Variants in ZNF33B observed in about 807,000 individuals in gnomAD.
The protein encoded by ZNF33B is zinc finger protein 11b (KOX 2).
In ZNF33B, 29 loss-of-function variants were observed where a neutral mutation model predicts 45.8. The observed-to-expected ratio is 0.63, with a 90% CI of 0.47 to 0.86. The LOEUF is 0.86. ZNF33B is among the 40% of genes least tolerant of loss of function. The probability of loss-of-function intolerance (pLI) is 0.00; values close to 1 mark genes in which losing one functional copy is unlikely to be tolerated. For missense variants in ZNF33B, 831 were observed against 909.9 expected, an observed-to-expected ratio of 0.91 and a Z score of 1.12; for synonymous variants, 305 against 307.8, an observed-to-expected ratio of 0.99 and a Z score of 0.10.
In ZNF33B at chr10:42,591,559, A is replaced by T; in HGVS notation, c.*1054T>A. ...GGGCCTGATGAAGTAACCACTACTA[A>T]ATTAGGATACCTACTTCCTATTCAC... On this transcript the variant is annotated 3_prime_UTR_variant, in exon 5 of 5. Coordinates refer to ENST00000359467, the MANE Select transcript of ZNF33B (RefSeq NM_006955.3). 2.0e-6 allele frequency: 1 copy of T among 507,780 alleles called. No homozygotes were observed. Among genetic ancestry groups the T allele is most frequent in the Non-Finnish European group, 2.5e-6 (1 of 393,568 alleles). 31.5% of individuals were successfully genotyped at this position (507,780 alleles called of 1,614,324 possible).
At chr10:42,621,825 T>C (rs563030909) in intron 4 of ZNF33B, among the ~76,000 whole-genome samples, 26 of 152,090 alleles carry the variant, frequency 1.7e-4, no homozygotes, top group Admixed American at 4.6e-4. Flanking sequence ...CAGTGCTATT[T>C]AACACTGCAG....
chr10:42,628,284 G>C (rs1215432940), intron 4 of ZNF33B, among the ~76,000 whole-genome samples: 36 of 152,412 alleles, frequency 2.4e-4, no homozygotes, highest in African/African-American at 8.4e-4. Flanking sequence ...TCAAAGTGCT[G>C]GAATTACAGG....
In ZNF33B at chr10:42,591,134, T is replaced by C. The variant is rs1456247674; in HGVS notation, c.*1479A>G. The C allele has an allele frequency of 2.7e-6, 1 of 369,918 alleles. No homozygotes were observed. The highest frequency in any genetic ancestry group is 2.2e-5 in the African/African-American group (1 of 45,300). The allele number at this position is 369,918 out of a possible 1,614,324, so 22.9% of individuals were successfully genotyped here. A position where few individuals can be genotyped will look rare whatever the true frequency, so the allele number is the denominator to read the frequency against. ...GGCTCTTCTCCAGCCTCAACCCTCC[T>C]CTTCATATTCTCAAAAGTCTCTGAA... On this transcript the variant is annotated 3_prime_UTR_variant, in exon 5 of 5. Coordinates refer to ENST00000359467, the MANE Select transcript of ZNF33B (RefSeq NM_006955.3).
intron 4 of ZNF33B, among the ~76,000 whole-genome samples, chr10:42,596,550 C>T (rs193274495): frequency 1.3e-5 from 2 of 152,232 alleles, no homozygotes; most frequent in Admixed American, 1.3e-4. Context: ...ATTTTAATGA[C>T]AAAACATGTC....
intron 4 of ZNF33B, among the ~76,000 whole-genome samples, chr10:42,623,665 C>T (rs772900915): frequency 6.6e-6 from 1 of 152,100 alleles, no homozygotes. Context: ...TTACCATAGG[C>T]TGTTGGGAGG....
chr10:42,615,123 G>T (rs544962880), intron 4 of ZNF33B, among the ~76,000 whole-genome samples: 3 of 152,270 alleles, frequency 2.0e-5, no homozygotes, highest in Admixed American at 6.5e-5. Context: ...TTGCTGGCAG[G>T]ACTGTAAAGT....
At chr10:42,637,464 T>C (rs1026673314) in intron 1 of ZNF33B, among the ~76,000 whole-genome samples, 3 of 152,238 alleles carry the variant, frequency 2.0e-5, no homozygotes, top group African/African-American at 7.2e-5. Flanking sequence ...TTGTTGCTAT[T>C]TCTCAAAAGG....
chr10:42,587,798 G>T (rs1423195048), downstream of ZNF33B, among the ~76,000 whole-genome samples: 1 of 152,158 alleles, frequency 6.6e-6, no homozygotes, highest in African/African-American at 2.4e-5. Context: ...GGGAGAACTG[G>T]TACCTTTTTC....
chr10:42,580,912 A>AT (rs1441123263), intron 1 of ZNF33B, among the ~76,000 whole-genome samples: 1 of 151,910 alleles, frequency 6.6e-6, no homozygotes, highest in Non-Finnish European at 1.5e-5. Context: ...TAAATAAATA[A>AT]ATAATAAAAT....
At chr10:42,594,791 A>G in intron 4 of ZNF33B, 92 bp from the exon 5 acceptor site, 1 of 1,377,202 alleles carries the variant, frequency 7.3e-7, no homozygotes, top group South Asian at 1.9e-5. Flanking sequence ...GTTGTAGCTG[A>G]CTCTGGTTTT....
intron 4 of ZNF33B, among the ~76,000 whole-genome samples, chr10:42,622,594 C>A (rs1838638011): frequency 6.6e-6 from 1 of 152,168 alleles, no homozygotes; most frequent in South Asian, 2.1e-4. Context: ...AAAGCCTTTT[C>A]TTTCAGTTAA....
chr10:42,594,098 T>C lies in ZNF33B; in HGVS notation c.852A>G (p.Leu284=). ...HYEFSDCEKF[L]CVKSTLSKHD... ...GTTTAGAAAGGGTGGACTTCACACA[T>C]AAGAACTTCTCACAATCACTAAATT... Residue 284 remains leucine (L), a synonymous_variant, in exon 5 of 5, where the codon TTA becomes TTG. Transcript: ENST00000359467. 5 of 1,614,076 alleles carry C rather than the reference T, an allele frequency of 3.1e-6. No homozygotes were observed. Among genetic ancestry groups the C allele is most frequent in the Non-Finnish European group, 4.2e-6 (5 of 1,179,954 alleles).
chr10:42,630,001 G>A (rs1368752315), intron 4 of ZNF33B, among the ~76,000 whole-genome samples: 1 of 152,138 alleles, frequency 6.6e-6, no homozygotes, highest in Non-Finnish European at 1.5e-5. Context: ...CCTACATACA[G>A]AGCATTTTGC....
rs1430104056 is a variant in ZNF33B, at chr10:42,592,758, TA to T, written c.2191del (p.Tyr731ThrfsTer42). The T allele has an allele frequency of 5.6e-6, 9 of 1,614,130 alleles. No homozygotes were observed. The highest frequency in any genetic ancestry group is 7.6e-6 in the Non-Finnish European group (9 of 1,179,992). On this transcript the variant is annotated frameshift_variant, in exon 5 of 5. Coordinates refer to ENST00000359467, the MANE Select transcript of ZNF33B (RefSeq NM_006955.3). LOFTEE classifies it high-confidence loss of function. ...ATGTTTAGCAAGGTCTGATTTACGG[TA>T]AAAGATTTTTCCACATTCATTACAC... ...CQCNECGKIF[Y>X]RKSDLAKHQR...
intron 1 of ZNF33B, among the ~76,000 whole-genome samples, chr10:42,580,077 G>A (rs1836802538): frequency 6.6e-6 from 1 of 152,186 alleles, no homozygotes; most frequent in African/African-American, 2.4e-5. Flanking sequence ...AATCATATTT[G>A]CATGCTCTAG....
chr10:42,592,694 G>A lies in ZNF33B; in HGVS notation c.2256C>T (p.Asn752=). Residue 752 remains asparagine (N), a synonymous_variant, in exon 5 of 5, where the codon AAC becomes AAT. Transcript: ENST00000359467. ...SHTGEKPYEC[N]TCRKTFSQKS... ...TTTGAGAGAAGGTTTTCCTGCATGT[G>A]TTACATTCATAGGGCTTTTCCCCTG... is the stretch of plus-strand genomic sequence containing the variant. 6.2e-7 allele frequency: 1 copy of A among 1,614,026 alleles called. No individual in the cohort carries two copies. The highest frequency in any genetic ancestry group is 8.5e-7 in the Non-Finnish European group (1 of 1,179,952).
chr10:42,579,523 T>C (rs1836795654), intron 1 of ZNF33B, among the ~76,000 whole-genome samples: 1 of 148,186 alleles, frequency 6.7e-6, no homozygotes, highest in African/African-American at 2.5e-5. Context: ...TATCACCCTT[T>C]CTAATCTGTG....
At chr10:42,615,624 G>GT (rs1388086674) in intron 4 of ZNF33B, among the ~76,000 whole-genome samples, 1 of 152,118 alleles carries the variant, frequency 6.6e-6, no homozygotes, top group Admixed American at 6.6e-5. Context: ...TGATGACAAT[G>GT]TTCTAAGAAA....
At chr10:42,631,279 C>T (rs1302188053) in intron 4 of ZNF33B, among the ~76,000 whole-genome samples, 2 of 152,026 alleles carry the variant, frequency 1.3e-5, no homozygotes, top group Admixed American at 6.5e-5. Flanking sequence ...AATCTCAGCT[C>T]ACTGCAACCT....
Sources: allele counts gnomAD v4.1 joint callset (sites outside exome capture counted in the v4.1 genomes callset), GRCh38; gene constraint gnomAD v4.1.1; transcripts MANE v1.5; gene names NCBI Gene and HGNC (gene_info 2026-07-23, HGNC 2026-07-21).